Variants in NRXN3 observed in about 807,000 individuals in gnomAD.
NRXN3 encodes the protein neurexin 3.
In NRXN3, 32 loss-of-function variants were observed where a neutral mutation model predicts 137.6. The ratio of observed to expected loss-of-function variants is 0.23; its 90% confidence interval spans 0.18 to 0.31. The LOEUF (loss-of-function observed/expected upper bound fraction) is 0.31. Ranked by LOEUF, NRXN3 falls within the 10% of genes least tolerant of loss-of-function variation. The probability of loss-of-function intolerance (pLI) is 1.00; values close to 1 mark genes in which losing one functional copy is unlikely to be tolerated. For synonymous variants in NRXN3, 798 were observed against 784.5 expected, an observed-to-expected ratio of 1.02 and a Z score of -0.29; for missense variants, 1,574 against 2,062.5, an observed-to-expected ratio of 0.76 and a Z score of 4.59.
intron 4 of NRXN3, among the ~76,000 whole-genome samples, chr14:78,521,552 G>T (rs1405034738): frequency 6.6e-6 from 1 of 152,158 alleles, no homozygotes; most frequent in African/African-American, 2.4e-5. Context: ...ATTGAGGATG[G>T]TTAAGTGAGC....
At chr14:79,059,188 C>T (rs10143998) in intron 15 of NRXN3, among the ~76,000 whole-genome samples, 95,173 of 150,486 alleles carry the variant, frequency 0.63, 30,459 homozygotes, top group East Asian at 0.81. Flanking sequence ...CTCCTTATCA[C>T]CAGCAGATCA....
intron 15 of NRXN3, among the ~76,000 whole-genome samples, chr14:79,276,720 A>G (rs1361581338): frequency 2.6e-5 from 4 of 151,904 alleles, no homozygotes; most frequent in South Asian, 2.1e-4. Flanking sequence ...AAAAAAAAAA[A>G]AAAAAAAGAA....
chr14:78,647,438 G>A (rs189752283), intron 5 of NRXN3, among the ~76,000 whole-genome samples: 1 of 152,188 alleles, frequency 6.6e-6, no homozygotes, highest in African/African-American at 2.4e-5. Context: ...AGCACCTTAT[G>A]TTCCAGAAGG....
chr14:79,015,408 T>C (rs2099577650), intron 15 of NRXN3, among the ~76,000 whole-genome samples: 1 of 152,184 alleles, frequency 6.6e-6, no homozygotes, highest in Non-Finnish European at 1.5e-5. Context: ...TGTGTAAGGC[T>C]CCTCTGATAG....
chr14:78,928,344 C>T (rs899009524), intron 10 of NRXN3, among the ~76,000 whole-genome samples: 8 of 151,986 alleles, frequency 5.3e-5, no homozygotes, highest in Admixed American at 1.3e-4. Context: ...TACATGTGCA[C>T]AATGTGCAGG....
At chr14:79,174,616 C>A (rs1401516518) in intron 15 of NRXN3, among the ~76,000 whole-genome samples, 2 of 146,254 alleles carry the variant, frequency 1.4e-5, no homozygotes, top group African/African-American at 5.1e-5. Flanking sequence ...AATATTGCAT[C>A]ATATTTTGCG....
At chr14:78,558,636 A>G (rs1341658493) in intron 4 of NRXN3, among the ~76,000 whole-genome samples, 1 of 152,164 alleles carries the variant, frequency 6.6e-6, no homozygotes, top group Non-Finnish European at 1.5e-5. Flanking sequence ...CTTATTGATT[A>G]ATCTCATATA....
intron 16 of NRXN3, among the ~76,000 whole-genome samples, chr14:79,501,467 A>G (rs2096825806): frequency 6.6e-6 from 1 of 152,182 alleles, no homozygotes; most frequent in South Asian, 2.1e-4. Flanking sequence ...CATTCACTTG[A>G]TGAAGCTTAC....
intron 4 of NRXN3, among the ~76,000 whole-genome samples, chr14:78,599,659 T>G (rs996775521): frequency 4.6e-5 from 7 of 152,190 alleles, no homozygotes; most frequent in African/African-American, 1.7e-4. Flanking sequence ...TCCTGCAGAT[T>G]TTTTGTCCCT....
chr14:78,603,406 G>C (rs2097218094), intron 4 of NRXN3, among the ~76,000 whole-genome samples: 1 of 152,150 alleles, frequency 6.6e-6, no homozygotes, highest in South Asian at 2.1e-4. Flanking sequence ...CAACTGCCTT[G>C]TCCTCTGAGG....
intron 4 of NRXN3, among the ~76,000 whole-genome samples, chr14:78,380,485 A>G (rs763936981): frequency 2.6e-5 from 4 of 152,068 alleles, no homozygotes; most frequent in Non-Finnish European, 5.9e-5. Context: ...CTTACAGGAT[A>G]CACACACACA....
intron 16 of NRXN3, among the ~76,000 whole-genome samples, chr14:79,663,010 T>C (rs567583278): frequency 2.6e-5 from 4 of 151,996 alleles, no homozygotes; most frequent in African/African-American, 9.6e-5. Context: ...TCATTGCAAT[T>C]TCCCTTCTGA....
intron 15 of NRXN3, among the ~76,000 whole-genome samples, chr14:79,093,052 C>A (rs1051314698): frequency 2.6e-5 from 4 of 152,112 alleles, no homozygotes; most frequent in African/African-American, 7.2e-5. Context: ...AATATTTATA[C>A]CATTATTCAT....
intron 8 of NRXN3, among the ~76,000 whole-genome samples, chr14:78,796,359 A>G (rs1025163140): frequency 2.0e-5 from 3 of 152,214 alleles, no homozygotes; most frequent in Admixed American, 2.0e-4. Context: ...CTGGGCTGTA[A>G]TGGCACAGAA....
intron 4 of NRXN3, among the ~76,000 whole-genome samples, chr14:78,394,127 C>A (rs996172152): frequency 2.0e-5 from 3 of 151,900 alleles, no homozygotes; most frequent in Admixed American, 6.6e-5. Flanking sequence ...ACTTCCAGCA[C>A]TGTGTTGAAT....
chr14:78,203,741 G>A (rs1030286299), intron 1 of NRXN3, among the ~76,000 whole-genome samples: 2 of 151,608 alleles, frequency 1.3e-5, no homozygotes, highest in African/African-American at 4.8e-5. Context: ...AGAGACAGAA[G>A]CAAAAAAATC....
chr14:79,586,719 G>A (rs2097767733), intron 16 of NRXN3, among the ~76,000 whole-genome samples: 1 of 152,306 alleles, frequency 6.6e-6, no homozygotes, highest in African/African-American at 2.4e-5. Flanking sequence ...GAACATTTAA[G>A]AGCCACTTTG....
chr14:78,821,844 G>A (rs999973732), intron 10 of NRXN3, among the ~76,000 whole-genome samples: 2 of 152,024 alleles, frequency 1.3e-5, no homozygotes, highest in Admixed American at 6.6e-5. Flanking sequence ...TTAACTGCTC[G>A]GTTTACTTAT....
intron 19 of NRXN3, among the ~76,000 whole-genome samples, chr14:79,746,491 G>A (rs1270396919): frequency 6.6e-6 from 1 of 152,138 alleles, no homozygotes; most frequent in Non-Finnish European, 1.5e-5. Context: ...CAGACCTGCA[G>A]AAATGGAGGT....
Sources: allele counts gnomAD v4.1 joint callset (sites outside exome capture counted in the v4.1 genomes callset), GRCh38; gene constraint gnomAD v4.1.1; transcripts MANE v1.5; gene names NCBI Gene and HGNC (gene_info 2026-07-23, HGNC 2026-07-21).